MTHFD1: variants seen among roughly 807,000 people sequenced by gnomAD.
MTHFD1 encodes C-1-tetrahydrofolate synthase, cytoplasmic.
A neutral mutation model predicts 110.3 loss-of-function variants in MTHFD1; 44 were observed. The observed-to-expected ratio is 0.40, with a 90% CI of 0.31 to 0.51. The LOEUF is 0.51. Ranked by LOEUF, MTHFD1 falls within the 20% of genes least tolerant of loss-of-function variation. The pLI, the probability that MTHFD1 is intolerant of heterozygous loss-of-function variation, is 0.60. For synonymous variants in MTHFD1, 402 were observed against 428.8 expected (o/e 0.94, Z 0.77); for missense variants, 909 against 1,173.1 (o/e 0.77, Z 3.29).
rs2140965045 is a variant in MTHFD1 at position 64,427,379 on chromosome 14, A to C, written c.1170A>C (p.Thr390=). The change falls in exon 12 of 28, where the codon ACA becomes ACC. Residue 390 remains threonine (T), a synonymous_variant. Transcript: ENST00000652337. ...TPLGEGKSTT[T]IGLVQALGAH... Reference sequence around the variant, plus strand: ...TGGGAGAAGGGAAAAGCACAACTACAATCGGGCTAGTGCAAGCCCTTGGTG... The same window carrying C: ...TGGGAGAAGGGAAAAGCACAACTACCATCGGGCTAGTGCAAGCCCTTGGTG... 2 of 1,614,078 alleles carry C rather than the reference A, an allele frequency of 1.2e-6. No individual in the cohort carries two copies. The highest frequency in any genetic ancestry group is 4.5e-5 in the East Asian group (2 of 44,902).
chr14:64,388,509 G>A (rs762608792), intron 1 of MTHFD1, 41 bp downstream of exon 1: 3 of 1,580,980 alleles, frequency 1.9e-6, no homozygotes, highest in Non-Finnish European at 2.6e-6. Flanking sequence ...GGCTGTGGAC[G>A]AGGGCTCTGA....
At chr14:64,414,619 C>T (rs892633651) in intron 4 of MTHFD1, among the ~76,000 whole-genome samples, 9 of 150,792 alleles carry the variant, frequency 6.0e-5, no homozygotes, top group African/African-American at 2.2e-4. Flanking sequence ...TCCCAAAGTG[C>T]TGGGATGACA....
At chr14:64,455,980 A>C (rs2078466205) in intron 26 of MTHFD1, among the ~76,000 whole-genome samples, 1 of 152,214 alleles carries the variant, frequency 6.6e-6, no homozygotes, top group Non-Finnish European at 1.5e-5. Flanking sequence ...CCCTTGTGGT[A>C]GGAATTTTCC....
At chr14:64,434,648 C>A (rs2078189645) in intron 15 of MTHFD1, among the ~76,000 whole-genome samples, 1 of 152,150 alleles carries the variant, frequency 6.6e-6, no homozygotes, top group Admixed American at 6.5e-5. Flanking sequence ...CTTTGCACAG[C>A]TTGCACATTT....
At position 64,455,297 on chromosome 14, in the gene MTHFD1, G is replaced by A. The variant is rs184554236; in HGVS notation, c.2718+422G>A. 185 of 168,750 alleles carry A rather than the reference G, an allele frequency of 1.1e-3. 1 individual carries two copies. The highest frequency in any genetic ancestry group is 1.7e-3 in the Non-Finnish European group (134 of 77,424). The allele number at this position is 168,750 out of a possible 1,614,324, so 10.5% of individuals were successfully genotyped here. On this transcript the variant is annotated intron_variant, in intron 26 of 27. Transcript: ENST00000652337. ...TTTTACTGACAGGCCTAGAACTTAC[G>A]TCTGAAATTCAGGGGGTTCATTATT... is the stretch of plus-strand genomic sequence containing the variant.
chr14:64,433,491 T>C (rs8019215), intron 15 of MTHFD1, among the ~76,000 whole-genome samples: 9,416 of 152,102 alleles, frequency 0.062, 511 homozygotes, highest in African/African-American at 0.16. Context: ...AATCACATCT[T>C]ACTACAGCCT....
intron 1 of MTHFD1, among the ~76,000 whole-genome samples, chr14:64,392,575 C>T (rs12434608): frequency 7.5e-4 from 114 of 152,022 alleles, no homozygotes; most frequent in African/African-American, 2.6e-3. Flanking sequence ...GTTTGCTGGC[C>T]AAGTGCAGGG....
chr14:64,441,982 A>G, intron 19 of MTHFD1, 72 bp from the exon 20 acceptor site: 1 of 973,302 alleles, frequency 1.0e-6, no homozygotes, highest in South Asian at 1.3e-5. Flanking sequence ...AATCAATTCC[A>G]TACCGTTGAA....
intron 12 of MTHFD1, among the ~76,000 whole-genome samples, chr14:64,428,456 T>G (rs556869771): frequency 1.3e-5 from 2 of 151,216 alleles, no homozygotes; most frequent in African/African-American, 4.9e-5. Flanking sequence ...TATGATAGGT[T>G]CTTAGAGTTA....
At chr14:64,440,068 A>G in intron 17 of MTHFD1, 58 bp from the exon 18 acceptor site, 5 of 1,559,420 alleles carry the variant, frequency 3.2e-6, no homozygotes, top group Non-Finnish European at 4.4e-6. Flanking sequence ...CACTTTTGCA[A>G]TTCACACTTC....
rs558678513 is a variant in MTHFD1 at position 64,434,346 on chromosome 14, T to C, written c.1495-1223T>C. Among the ~76,000 whole-genome samples, 4 of 152,202 alleles carry C rather than the reference T, an allele frequency of 2.6e-5. No homozygotes were observed. The South Asian group carries it at 8.3e-4, about 32-fold the overall frequency. ...CAGGAGGATGACTTGAGCCCAGCAG[T>C]TCGAGACCAGCCTGAGCAATGAAGC... On this transcript the variant is annotated intron_variant, in intron 15 of 27. Transcript: ENST00000652337.
intron 2 of MTHFD1, among the ~76,000 whole-genome samples, chr14:64,405,339 T>G (rs2077928424): frequency 6.6e-6 from 1 of 152,238 alleles, no homozygotes; most frequent in African/African-American, 2.4e-5. Context: ...CAAATGTTTT[T>G]ATTACATAAA....
chr14:64,432,142 G>C (rs920253014), intron 15 of MTHFD1, among the ~76,000 whole-genome samples: 2 of 152,194 alleles, frequency 1.3e-5, no homozygotes, highest in Non-Finnish European at 2.9e-5. Flanking sequence ...CAAGAGTCAG[G>C]ATGTCACTGT....
rs2078039537 is a variant in MTHFD1, at chr14:64,418,128, T to A, written c.615+104T>A. ...CATGACCTCATTTAACCCCATCATC[T>A]CATTTTTACAAGATGAAAAAACAAA... On this transcript the variant is annotated intron_variant, in intron 7 of 27. Coordinates refer to ENST00000652337, the MANE Select transcript of MTHFD1 (RefSeq NM_005956.4). The A allele has an allele frequency of 2.1e-6, 3 of 1,426,428 alleles. No homozygotes were observed. The African/African-American group carries it at 4.2e-5, about 20-fold the overall frequency. The allele number at this position is 1,426,428 out of a possible 1,614,324, so 88.4% of individuals were successfully genotyped here.
chr14:64,413,723 C>T (rs1227821819), intron 4 of MTHFD1, among the ~76,000 whole-genome samples: 4 of 152,248 alleles, frequency 2.6e-5, no homozygotes, highest in Admixed American at 6.5e-5. Flanking sequence ...TTTCTGCCAT[C>T]GCAGAAAAGA....
rs766484629 is a variant in MTHFD1, at chr14:64,435,691, GC to G, written c.1597+24del. On this transcript the variant is annotated intron_variant, in intron 16 of 27. Transcript: ENST00000652337. ...AAAGAGGTACCAGAGCAGTATACAA[GC>G]CCCGTTTGTTTTGGCTATATTGCAC... 1 of 1,489,030 alleles carries G rather than the reference GC, an allele frequency of 6.7e-7. No individual in the cohort carries two copies. The allele number at this position is 1,489,030 out of a possible 1,614,324, so 92.2% of individuals were successfully genotyped here.
intron 15 of MTHFD1, among the ~76,000 whole-genome samples, chr14:64,432,750 GTT>G (rs1236055446): frequency 6.6e-6 from 1 of 152,068 alleles, no homozygotes; most frequent in Non-Finnish European, 1.5e-5. Context: ...GAGGTGTTTT[GTT>G]TTGTTTTTTG....
chr14:64,440,914 A>G (rs757258882), intron 18 of MTHFD1: 13 of 255,154 alleles, frequency 5.1e-5, no homozygotes, highest in Non-Finnish European at 1.0e-4. Flanking sequence ...AACTTTGGCC[A>G]GGCGTGGTGG....
chr14:64,393,031 G>T (rs1016607479), intron 1 of MTHFD1, among the ~76,000 whole-genome samples: 5 of 152,202 alleles, frequency 3.3e-5, no homozygotes. Flanking sequence ...GGTCTTCTTG[G>T]TTACTAAGTT....
Sources: allele counts gnomAD v4.1 joint callset (sites outside exome capture counted in the v4.1 genomes callset), GRCh38; gene constraint gnomAD v4.1.1; transcripts MANE v1.5; gene names NCBI Gene and HGNC (gene_info 2026-07-23, HGNC 2026-07-21).